The following RERE variants were observed in gnomAD, a reference collection of about 807,000 sequenced individuals.
The protein encoded by RERE is arginine-glutamic acid dipeptide repeats, also known as arginine-glutamic acid dipeptide repeats protein.
A neutral mutation model predicts 146.1 loss-of-function variants in RERE; 40 were observed. The ratio of observed to expected loss-of-function variants is 0.27; its 90% CI spans 0.21 to 0.36. The LOEUF (loss-of-function observed/expected upper bound fraction) is 0.36. Ranked by LOEUF, RERE falls within the 10% of genes least tolerant of loss-of-function variation. The pLI is 1.00. For missense variants in RERE, 1,933 were observed against 2,138.7 expected (o/e 0.90, Z 1.90); for synonymous variants, 1,003 against 866.0 (o/e 1.16, Z -2.78).
chr1:8,720,770 A>AG (rs1017411749), intron 1 of RERE, among the ~76,000 whole-genome samples: 20 of 152,214 alleles, frequency 1.3e-4, no homozygotes, highest in Non-Finnish European at 2.8e-4. Context: ...AAAATTAAAA[A>AG]TCTAGCCGGG....
chr1:8,371,586 G>A (rs563226528), intron 12 of RERE, among the ~76,000 whole-genome samples: 66 of 152,298 alleles, frequency 4.3e-4, no homozygotes, highest in Non-Finnish European at 8.4e-4. Flanking sequence ...TGCCATCCAG[G>A]GGCCTGCTGG....
intron 7 of RERE, among the ~76,000 whole-genome samples, chr1:8,510,747 TATC>T (rs1384403836): frequency 2.0e-5 from 3 of 150,810 alleles, no homozygotes; most frequent in African/African-American, 7.3e-5. Context: ...AGCCAGAATG[TATC>T]ATTTCAGAAA....
intron 11 of RERE, among the ~76,000 whole-genome samples, chr1:8,433,553 C>CTTTTTTT (rs35096712): frequency 1.6e-4 from 21 of 130,178 alleles, no homozygotes; most frequent in Non-Finnish European, 1.9e-4. Context: ...CCATTCATTT[C>CTTTTTTT]TTTTTTTTTT....
chr1:8,606,966 T>C (rs1646719588), intron 4 of RERE, among the ~76,000 whole-genome samples: 1 of 152,208 alleles, frequency 6.6e-6, no homozygotes, highest in Non-Finnish European at 1.5e-5. Context: ...AAGGATTAAC[T>C]TTAAGTGTAT....
At chr1:8,449,996 T>G (rs1320181703) in intron 11 of RERE, among the ~76,000 whole-genome samples, 1 of 152,194 alleles carries the variant, frequency 6.6e-6, no homozygotes, top group East Asian at 1.9e-4. Context: ...ATCCTCCTCA[T>G]GGCATCTACC....
At chr1:8,614,502 A>G (rs1390821587) in intron 4 of RERE, 59 bp downstream of exon 4, 1 of 1,530,310 alleles carries the variant, frequency 6.5e-7, no homozygotes, top group African/African-American at 1.4e-5. Flanking sequence ...TAATATTCCT[A>G]TTTTATACCC....
chr1:8,369,061 G>T (rs373920168), intron 12 of RERE, among the ~76,000 whole-genome samples: 22 of 152,126 alleles, frequency 1.4e-4, no homozygotes. Flanking sequence ...AGCCCAGTGT[G>T]CTGGTGTGTG....
intron 12 of RERE, among the ~76,000 whole-genome samples, chr1:8,400,222 A>ATATGTGTGTGTGTGTGTGTGTG (rs368219880): frequency 0.022 from 3,034 of 140,028 alleles, 53 homozygotes; most frequent in Middle Eastern, 0.025. Flanking sequence ...CCTGTGTCAT[A>ATATGTGTGTGTGTGTGTGTGTG]TGTGTGTGTG....
At chr1:8,531,308 T>G (rs570616887) in intron 7 of RERE, among the ~76,000 whole-genome samples, 27 of 152,166 alleles carry the variant, frequency 1.8e-4, no homozygotes, top group African/African-American at 6.3e-4. Flanking sequence ...TCAGGCGTGA[T>G]GGCATGCACC....
rs547045177 is a variant in RERE, at chr1:8,587,236, C to T, written c.522+27325G>A. On this transcript the variant is annotated intron_variant, in intron 4 of 22. Coordinates refer to ENST00000400908, the MANE Select transcript of RERE (RefSeq NM_001042681.2). ...AATTATGGAGACTTGGGTTCGAAAT[C>T]TGGCTCTCATACTATGTGACATTAG... Among the ~76,000 whole-genome samples the T allele has an allele frequency of 1.2e-4, 19 of 152,318 alleles. No homozygotes were observed. The South Asian group carries it at 3.5e-3, about 28-fold the overall frequency.
chr1:8,687,263 C>G (rs1474939779), intron 1 of RERE, among the ~76,000 whole-genome samples: 1 of 152,114 alleles, frequency 6.6e-6, no homozygotes, highest in Non-Finnish European at 1.5e-5. Context: ...AACAGCTGGT[C>G]TATACACAAG....
At chr1:8,747,977 C>T (rs1313410272) in intron 1 of RERE, among the ~76,000 whole-genome samples, 1 of 152,072 alleles carries the variant, frequency 6.6e-6, no homozygotes, top group Non-Finnish European at 1.5e-5. Context: ...GGGGTTTCAC[C>T]ATGTTGGCTA....
rs1054458087 is a variant in RERE, at chr1:8,713,618, C to G, written c.-144-57177G>C. Among the ~76,000 whole-genome samples the G allele has an allele frequency of 7.2e-5, 11 of 152,082 alleles. No homozygotes were observed. In the South Asian group the frequency reaches 1.0e-3, roughly 14 times the overall value. ...GCGTGATGGCAGGCACCTGTAGTCC[C>G]AGCTACTTGGGAGGCTGAGGCAGAA... On this transcript the variant is annotated intron_variant, in intron 1 of 22. Coordinates refer to ENST00000400908, the MANE Select transcript of RERE (RefSeq NM_001042681.2).
At position 8,761,104 on chromosome 1, in the gene RERE, T is replaced by C. The variant is rs551784956; in HGVS notation, c.-145+56056A>G. Among the ~76,000 whole-genome samples the C allele has an allele frequency of 1.6e-4, 25 of 152,276 alleles. 1 individual carries two copies. In the South Asian group the frequency reaches 5.2e-3, roughly 32 times the overall value. On this transcript the variant is annotated intron_variant, in intron 1 of 22. Coordinates refer to ENST00000400908, the MANE Select transcript of RERE (RefSeq NM_001042681.2). ...AGCTCAGACTCGGAACCATTATGCT[T>C]TACCGTCTTACCAAAATGAGAATCA...
At chr1:8,775,621 A>C (rs1641049333) in intron 1 of RERE, among the ~76,000 whole-genome samples, 1 of 152,154 alleles carries the variant, frequency 6.6e-6, no homozygotes, top group African/African-American at 2.4e-5. Flanking sequence ...TTTAAAAAAC[A>C]ATTTTTTCCC....
At chr1:8,431,399 T>G (rs555026116) in intron 11 of RERE, among the ~76,000 whole-genome samples, 7 of 152,204 alleles carry the variant, frequency 4.6e-5, no homozygotes, top group Non-Finnish European at 1.0e-4. Context: ...CTGTTTTCCA[T>G]CACCCTCAGG....
intron 1 of RERE, among the ~76,000 whole-genome samples, chr1:8,658,231 A>G (rs561578172): frequency 6.6e-6 from 1 of 152,328 alleles, no homozygotes; most frequent in African/African-American, 2.4e-5. Flanking sequence ...ACTAAATACT[A>G]TGTGCCAAGT....
chr1:8,494,064 T>C (rs1645012599), intron 10 of RERE, among the ~76,000 whole-genome samples: 2 of 152,222 alleles, frequency 1.3e-5, no homozygotes, highest in African/African-American at 4.8e-5. Flanking sequence ...AGTGTGTTGT[T>C]ATCTGAGCTG....
At chr1:8,674,650 T>C (rs1326046116) in intron 1 of RERE, among the ~76,000 whole-genome samples, 1 of 152,244 alleles carries the variant, frequency 6.6e-6, no homozygotes, top group African/African-American at 2.4e-5. Context: ...AAGGTCTGTA[T>C]TCCAACTGTT....
Sources: gnomAD v4.1 joint callset for allele counts (sites outside exome capture counted in the v4.1 genomes callset) on GRCh38, gnomAD v4.1.1 for gene constraint, MANE v1.5 for transcripts, NCBI Gene and HGNC (gene_info 2026-07-23, HGNC 2026-07-21) for gene names.